The following LRRC4C variants were observed in gnomAD, a reference collection of about 807,000 sequenced individuals.
LRRC4C encodes leucine-rich repeat-containing protein 4C.
Under a neutral mutation model 33.6 loss-of-function variants are expected in LRRC4C, and 5 were observed. The ratio of observed to expected loss-of-function variants is 0.15; its 90% CI spans 0.08 to 0.31. LRRC4C has a LOEUF of 0.31. Among genes scored for constraint, LRRC4C ranks in the 10% least tolerant of loss-of-function variants. LRRC4C has a pLI of 1.00. For missense variants in LRRC4C, 560 were observed against 796.7 expected, an observed-to-expected ratio of 0.70 and a Z score of 3.58; for synonymous variants, 329 against 302.0, an observed-to-expected ratio of 1.09 and a Z score of -0.93.
At chr11:40,311,463 T>C (rs1349781580) in intron 4 of LRRC4C, among the ~76,000 whole-genome samples, 1 of 152,088 alleles carries the variant, frequency 6.6e-6, no homozygotes, top group Non-Finnish European at 1.5e-5. Flanking sequence ...TGAAAGAAAA[T>C]CTCTTTCTGT....
chr11:40,577,914 C>A (rs1483273004), intron 3 of LRRC4C, among the ~76,000 whole-genome samples: 4 of 145,960 alleles, frequency 2.7e-5, no homozygotes, highest in Non-Finnish European at 6.0e-5. Context: ...TGGCTCACTG[C>A]AAGCTCCGCC....
chr11:40,157,719 C>T (rs1858820223), intron 5 of LRRC4C, among the ~76,000 whole-genome samples: 1 of 152,130 alleles, frequency 6.6e-6, no homozygotes, highest in African/African-American at 2.4e-5. Flanking sequence ...AAGCACCTTT[C>T]TCCTGCAAGA....
intron 1 of LRRC4C, among the ~76,000 whole-genome samples, chr11:41,442,311 C>T (rs1955645694): frequency 6.6e-6 from 1 of 151,838 alleles, no homozygotes; most frequent in Non-Finnish European, 1.5e-5. Flanking sequence ...TACATTGCTA[C>T]CAAAAACATA....
intron 5 of LRRC4C, among the ~76,000 whole-genome samples, chr11:40,216,798 G>C (rs1864011993): frequency 6.6e-6 from 1 of 152,174 alleles, no homozygotes; most frequent in Non-Finnish European, 1.5e-5. Flanking sequence ...CAGGTCATCA[G>C]AGTCATGGAA....
At chr11:41,131,676 G>C (rs1052668482) in intron 1 of LRRC4C, among the ~76,000 whole-genome samples, 1 of 152,058 alleles carries the variant, frequency 6.6e-6, no homozygotes, top group African/African-American at 2.4e-5. Flanking sequence ...CAAGGGATGA[G>C]ATAGAAGGTT....
intron 3 of LRRC4C, among the ~76,000 whole-genome samples, chr11:40,634,882 ACTGT>A (rs1339893577): frequency 6.6e-6 from 1 of 152,034 alleles, no homozygotes; most frequent in South Asian, 2.1e-4. Flanking sequence ...AGAGCAAGAC[ACTGT>A]CTGTGAAAAA....
At chr11:40,846,004 T>C (rs1953140943) in intron 2 of LRRC4C, among the ~76,000 whole-genome samples, 1 of 140,414 alleles carries the variant, frequency 7.1e-6, no homozygotes, top group African/African-American at 2.6e-5. Context: ...TTCAGATCCT[T>C]CACCCACTTT....
intron 2 of LRRC4C, among the ~76,000 whole-genome samples, chr11:40,688,866 T>C (rs955574856): frequency 3.3e-5 from 5 of 152,022 alleles, no homozygotes; most frequent in African/African-American, 1.2e-4. Flanking sequence ...AACCAGCTGG[T>C]GGAAGAACTT....
chr11:40,225,680 G>C (rs1004999404), intron 5 of LRRC4C, among the ~76,000 whole-genome samples: 1 of 148,584 alleles, frequency 6.7e-6, no homozygotes, highest in Non-Finnish European at 1.5e-5. Flanking sequence ...GCAATGGCAC[G>C]ATCTCGGCTC....
intron 1 of LRRC4C, among the ~76,000 whole-genome samples, chr11:41,407,295 T>C (rs1481118387): frequency 6.6e-6 from 1 of 151,596 alleles, no homozygotes; most frequent in Non-Finnish European, 1.5e-5. Flanking sequence ...TAACATTGAA[T>C]TTTTCCTTTT....
chr11:41,365,876 C>T (rs1436407451), intron 1 of LRRC4C, among the ~76,000 whole-genome samples: 1 of 152,142 alleles, frequency 6.6e-6, no homozygotes, highest in Non-Finnish European at 1.5e-5. Context: ...GTTGAATTCA[C>T]ACTCTACCAT....
chr11:40,845,358 A>G (rs925155619), intron 2 of LRRC4C, among the ~76,000 whole-genome samples: 6 of 152,034 alleles, frequency 3.9e-5, no homozygotes, highest in Non-Finnish European at 7.4e-5. Flanking sequence ...CCCAGTGCCC[A>G]TATGTCCTCA....
intron 2 of LRRC4C, among the ~76,000 whole-genome samples, chr11:40,880,028 C>T (rs1365244766): frequency 6.6e-6 from 1 of 152,070 alleles, no homozygotes; most frequent in Non-Finnish European, 1.5e-5. Flanking sequence ...TAACAGGCAA[C>T]ATGGCTTCTG....
At chr11:40,839,802 C>T (rs999875236) in intron 2 of LRRC4C, among the ~76,000 whole-genome samples, 11 of 152,194 alleles carry the variant, frequency 7.2e-5, no homozygotes, top group East Asian at 5.8e-4. Flanking sequence ...GGCATATACC[C>T]GGTGCTGAAG....
intron 1 of LRRC4C, among the ~76,000 whole-genome samples, chr11:41,148,615 C>A (rs941330195): frequency 6.6e-6 from 1 of 151,848 alleles, no homozygotes; most frequent in Non-Finnish European, 1.5e-5. Context: ...AACTAAACAC[C>A]ATTGGTAAAC....
chr11:40,117,423 G>T (rs1387397898), intron 6 of LRRC4C, among the ~76,000 whole-genome samples: 1 of 152,144 alleles, frequency 6.6e-6, no homozygotes, highest in East Asian at 1.9e-4. Flanking sequence ...ATTTTCCCAT[G>T]AAGCATAATT....
chr11:41,446,710 AG>A (rs1955838004), intron 1 of LRRC4C, among the ~76,000 whole-genome samples: 1 of 152,204 alleles, frequency 6.6e-6, no homozygotes, highest in South Asian at 2.1e-4. Context: ...GTAAAGGAAC[AG>A]AATCCACACT....
At chr11:40,901,410 T>C (rs1956191522) in intron 2 of LRRC4C, among the ~76,000 whole-genome samples, 2 of 152,240 alleles carry the variant, frequency 1.3e-5, no homozygotes, top group Non-Finnish European at 2.9e-5. Context: ...CTCATGCCTC[T>C]TTAGGAAGCA....
chr11:41,164,884 G>C (rs950798151), intron 1 of LRRC4C, among the ~76,000 whole-genome samples: 1 of 152,112 alleles, frequency 6.6e-6, no homozygotes, highest in Non-Finnish European at 1.5e-5. Flanking sequence ...ATCCCTCGTG[G>C]CTTGGATAGA....
Sources: allele counts gnomAD v4.1 joint callset (sites outside exome capture counted in the v4.1 genomes callset), GRCh38; gene constraint gnomAD v4.1.1; transcripts MANE v1.5; gene names NCBI Gene and HGNC (gene_info 2026-07-23, HGNC 2026-07-21).